The following CLCC1 variants were observed in gnomAD, a reference collection of about 807,000 sequenced individuals.
CLCC1 encodes the protein chloride channel CLIC-like protein 1.
Under a neutral mutation model 63.3 loss-of-function variants are expected in CLCC1, and 39 were observed. The ratio of observed to expected loss-of-function variants is 0.62; its 90% CI spans 0.48 to 0.81. CLCC1 has a LOEUF of 0.81. CLCC1 is among the 30% of genes least tolerant of loss of function. CLCC1 has a pLI of 0.00. For missense variants in CLCC1, 549 were observed against 669.4 expected (o/e 0.82, Z 1.98); for synonymous variants, 217 against 239.8 (o/e 0.90, Z 0.88).
At position 108,936,785 on chromosome 1, in the gene CLCC1, T is replaced by C. The variant is rs78279982; in HGVS notation, c.1383+292A>G. On this transcript the variant is annotated intron_variant, in intron 11 of 12. Coordinates refer to ENST00000369969, the MANE Select transcript of CLCC1 (RefSeq NM_001377458.1). The stretch of plus-strand genomic sequence containing the variant: ...GCCTTCTCTCTGATCTCTTCAAAGA[T>C]AGAAATTTCTGTCATGCTCATACGC... Among the ~76,000 whole-genome samples, 649 of 152,360 alleles carry C rather than the reference T, an allele frequency of 4.3e-3. 9 individuals carry two copies. The highest frequency in any genetic ancestry group is 0.015 in the African/African-American group (608 of 41,588).
At position 108,929,536 on chromosome 1, in the gene CLCC1, TCAGGCTGGG is replaced by T. The variant is rs1651522227; in HGVS notation, c.*3002_*3010del. ...GTTTAAAGATTATTTCTTTCAGAAATCAGGCTGGGAACTAAAGAGAACAATATAAAAACA... is the reference window on the plus strand; with the variant it reads ...GTTTAAAGATTATTTCTTTCAGAAATAACTAAAGAGAACAATATAAAAACA... On this transcript the variant is annotated 3_prime_UTR_variant, in exon 13 of 13. Transcript: ENST00000369969. 3.0e-6 allele frequency: 2 copies of T among 665,966 alleles called. No individual in the cohort carries two copies. Among genetic ancestry groups the T allele is most frequent in the Non-Finnish European group, 5.2e-6 (2 of 384,126 alleles). The allele number at this position is 665,966 out of a possible 1,614,324, so 41.3% of individuals were successfully genotyped here.
intron 11 of CLCC1, among the ~76,000 whole-genome samples, chr1:108,935,429 G>A (rs1489933090): frequency 6.6e-6 from 1 of 152,164 alleles, no homozygotes; most frequent in African/African-American, 2.4e-5. Context: ...CTGAATGTGG[G>A]TGGGCTGGCA....
intron 4 of CLCC1, among the ~76,000 whole-genome samples, chr1:108,949,606 A>G (rs1654945999): frequency 6.6e-6 from 1 of 152,174 alleles, no homozygotes; most frequent in Non-Finnish European, 1.5e-5. Context: ...AGAGATGTCA[A>G]TGTTATTACA....
At chr1:108,956,592 C>T (rs1426079298) in intron 2 of CLCC1, among the ~76,000 whole-genome samples, 2 of 148,134 alleles carry the variant, frequency 1.4e-5, no homozygotes, top group Non-Finnish European at 3.0e-5. Context: ...ACCTGGGAGG[C>T]GGAAGTTGCA....
chr1:108,943,548 T>C lies in CLCC1; in HGVS notation c.629A>G (p.Tyr210Cys), dbSNP rs1038381505. The change falls in exon 7 of 13, where the codon TAC becomes TGC. Residue 210 changes from tyrosine (Y) to cysteine (C), a missense_variant. Tyr to Cys is a radical substitution (Grantham distance 194, BLOSUM62 -2). Transcript: ENST00000369969. The part of the protein sequence containing the change: ...ATELWTYVRW[Y>C]TQLRRVLIIS... The stretch of plus-strand genomic sequence containing the variant: ...GATTAAAACACGTCTCAACTGAGTG[T>C]ACCAACGTACATATGTCCACAGCTC... The C allele has an allele frequency of 1.9e-6, 3 of 1,614,012 alleles. No homozygotes were observed. The African/African-American group carries it at 4.0e-5, about 22-fold the overall frequency.
chr1:108,933,027 T>C (rs1441452331), intron 12 of CLCC1: 1 of 152,216 alleles, frequency 6.6e-6, no homozygotes, highest in East Asian at 1.9e-4. Flanking sequence ...ACTACAGGCG[T>C]GTACCACCAT....
intron 2 of CLCC1, among the ~76,000 whole-genome samples, chr1:108,951,095 G>A (rs985022196): frequency 1.3e-5 from 2 of 152,134 alleles, no homozygotes; most frequent in Non-Finnish European, 2.9e-5. Flanking sequence ...ATAGCCAAAA[G>A]GTGGGAAAAA....
intron 2 of CLCC1, among the ~76,000 whole-genome samples, chr1:108,959,278 T>C (rs1419010418): frequency 6.6e-6 from 1 of 151,868 alleles, no homozygotes; most frequent in Admixed American, 6.6e-5. Flanking sequence ...CGCTTGAGCC[T>C]GGGAGACAGA....
intron 8 of CLCC1, among the ~76,000 whole-genome samples, chr1:108,940,724 G>C (rs1399323189): frequency 1.3e-5 from 2 of 152,320 alleles, no homozygotes; most frequent in Non-Finnish European, 2.9e-5. Context: ...AAACTAGCCT[G>C]AGCTAGAGGA....
At position 108,939,766 on chromosome 1, in the gene CLCC1, A is replaced by G. The variant is rs1208166106; in HGVS notation, c.911T>C (p.Phe304Ser). Reference sequence around the variant, plus strand: ...CAATGGCTCCGTTACAAATGTGGTGAATGTAACTGCAAGTGCCTAAAACGA... The same window carrying G: ...CAATGGCTCCGTTACAAATGTGGTGGATGTAACTGCAAGTGCCTAAAACGA... ...VPPTKALAVT[F>S]TTFVTEPLKH... Residue 304 changes from phenylalanine to serine, a missense_variant, in exon 10 of 13, where the codon TTC (phenylalanine) becomes TCC (serine). Physicochemically the swap from Phe to Ser is radical, Grantham distance 155 (BLOSUM62 -2). Coordinates refer to ENST00000369969, the MANE Select transcript of CLCC1 (RefSeq NM_001377458.1). The G allele has an allele frequency of 3.1e-6, 5 of 1,613,962 alleles. No individual in the cohort carries two copies. The Admixed American group carries it at 5.0e-5, about 16-fold the overall frequency.
At chr1:108,943,285 C>T (rs1233128251) in intron 7 of CLCC1, among the ~76,000 whole-genome samples, 190 bp downstream of exon 7, 1 of 152,136 alleles carries the variant, frequency 6.6e-6, no homozygotes, top group African/African-American at 2.4e-5. Flanking sequence ...AACTTTTTTA[C>T]CCACTAACTG....
chr1:108,938,139 T>C (rs967896804), intron 10 of CLCC1, among the ~76,000 whole-genome samples: 3 of 152,236 alleles, frequency 2.0e-5, no homozygotes, highest in African/African-American at 7.2e-5. Flanking sequence ...TAACTCCTAA[T>C]ATGTAAGTAT....
chr1:108,946,580 A>C (rs966302929), intron 5 of CLCC1, among the ~76,000 whole-genome samples: 4 of 152,118 alleles, frequency 2.6e-5, no homozygotes, highest in Admixed American at 6.6e-5. Context: ...CACTGTGCTG[A>C]TGCAAGGGCC....
intron 11 of CLCC1, 60 bp downstream of exon 11, chr1:108,937,017 T>C: frequency 8.0e-7 from 1 of 1,243,264 alleles, no homozygotes; most frequent in Non-Finnish European, 1.1e-6. Context: ...TCAGACCTCT[T>C]CCAGAAGGAT....
chr1:108,950,012 A>G, intron 3 of CLCC1, 91 bp from the exon 4 acceptor site: 1 of 806,178 alleles, frequency 1.2e-6, no homozygotes, highest in East Asian at 2.7e-5. Flanking sequence ...TGACTTCATC[A>G]TTTCATGACT....
At position 108,963,397 on chromosome 1, in the gene CLCC1, C is replaced by CT; in HGVS notation, c.-210dup. 2 of 702,478 alleles carry CT rather than the reference C, an allele frequency of 2.8e-6. No homozygotes were observed. Among genetic ancestry groups the CT allele is most frequent in the South Asian group, 3.0e-5 (2 of 67,608 alleles). The allele number at this position is 702,478 out of a possible 1,614,324, so 43.5% of individuals were successfully genotyped here. A position where few individuals can be genotyped will look rare whatever the true frequency, so the allele number is the denominator to read the frequency against. On this transcript the variant is annotated 5_prime_UTR_variant, in exon 1 of 13. An upstream open reading frame in the 5' UTR gains an earlier in-frame stop. Transcript: ENST00000369969. The stretch of plus-strand genomic sequence containing the variant: ...CCTGCCTGCCTCTCGAGGAAGACAC[C>CT]TGCCCAGGCCGGCCGCAGAAGAGGT...
intron 11 of CLCC1, 108 bp from the exon 12 acceptor site, chr1:108,935,050 T>C: frequency 9.3e-7 from 1 of 1,077,072 alleles, no homozygotes; most frequent in Non-Finnish European, 1.3e-6. Flanking sequence ...AGCTCCAAAC[T>C]CTTTCAAATC....
intron 12 of CLCC1, 110 bp downstream of exon 12, chr1:108,934,515 G>A: frequency 1.3e-6 from 1 of 794,850 alleles, no homozygotes; most frequent in African/African-American, 1.7e-5. Context: ...AATTCTAATT[G>A]TCAGTAAAAA....
At chr1:108,954,863 G>A (rs904664705) in intron 2 of CLCC1, among the ~76,000 whole-genome samples, 3 of 135,096 alleles carry the variant, frequency 2.2e-5, no homozygotes, top group Admixed American at 2.2e-4. Flanking sequence ...ACGGAGTTTC[G>A]CTCTTGTCGC....
Sources: allele counts gnomAD v4.1 joint callset (sites outside exome capture counted in the v4.1 genomes callset), GRCh38; gene constraint gnomAD v4.1.1; transcripts MANE v1.5; gene names NCBI Gene and HGNC (gene_info 2026-07-23, HGNC 2026-07-21).